Variants in NUCKS1 observed in about 807,000 individuals in gnomAD.
The protein encoded by NUCKS1 is nuclear ubiquitous casein and cyclin-dependent kinase substrate 1.
In NUCKS1, 2 loss-of-function variants were observed where a neutral mutation model predicts 33.0. That is an observed-to-expected ratio of 0.06 (90% CI 0.02 to 0.19). NUCKS1 has a LOEUF of 0.19. Among genes scored for constraint, NUCKS1 ranks in the 10% least tolerant of loss-of-function variants. The pLI is 1.00. For missense variants in NUCKS1, 201 were observed against 293.6 expected (o/e 0.68, Z 2.31); for synonymous variants, 106 against 102.8 (o/e 1.03, Z -0.19).
In NUCKS1 at chr1:205,717,633, C is replaced by T; in HGVS notation, c.*647G>A. On this transcript the variant is annotated 3_prime_UTR_variant, in exon 7 of 7. Transcript: ENST00000367142. ...AATAAGGTCAGGTAACCCCATTGCC[C>T]ACCCTCCCTACAAGGTAAAAAATGA... The T allele has an allele frequency of 2.0e-6, 2 of 985,206 alleles. No individual in the cohort carries two copies. The highest frequency in any genetic ancestry group is 3.5e-5 in the African/African-American group (2 of 57,286). The allele number at this position is 985,206 out of a possible 1,614,324, so 61.0% of individuals were successfully genotyped here. A position where few individuals can be genotyped will look rare whatever the true frequency, so the allele number is the denominator to read the frequency against.
chr1:205,719,764 G>A (rs1486133178), intron 5 of NUCKS1, 88 bp from the exon 6 acceptor site: 2 of 1,436,204 alleles, frequency 1.4e-6, no homozygotes, highest in Non-Finnish European at 1.9e-6. Context: ...ATGACTAGAG[G>A]ATGGGATTTG....
intron 1 of NUCKS1, among the ~76,000 whole-genome samples, chr1:205,748,981 G>A (rs1654401844): frequency 1.3e-5 from 2 of 152,266 alleles, no homozygotes; most frequent in South Asian, 4.2e-4. Flanking sequence ...GAATGGCATA[G>A]GACGATTCCA....
chr1:205,727,487 T>A (rs1775154), intron 3 of NUCKS1, among the ~76,000 whole-genome samples: 49,305 of 150,796 alleles, frequency 0.33, 9,289 homozygotes, highest in Non-Finnish European at 0.42. Flanking sequence ...ACTTATTTTT[T>A]GTTATCACTA....
intron 5 of NUCKS1, 188 bp from the exon 6 acceptor site, chr1:205,719,864 T>A: frequency 1.8e-6 from 1 of 562,050 alleles, no homozygotes; most frequent in Non-Finnish European, 3.0e-6. Flanking sequence ...GGATTTTGCA[T>A]GCACCTTACA....
chr1:205,735,025 T>C (rs1654003177), intron 1 of NUCKS1, among the ~76,000 whole-genome samples: 1 of 152,246 alleles, frequency 6.6e-6, no homozygotes, highest in South Asian at 2.1e-4. Flanking sequence ...AAATACATTT[T>C]TGATGAATTT....
rs1184248524 is a variant in NUCKS1, at chr1:205,715,697, G to A, written c.*2583C>T. ...AACCTAGCAGAGCTAATACAAACAA[G>A]CACCTTCAAAGTTAACGTCCCACTT... On this transcript the variant is annotated 3_prime_UTR_variant, in exon 7 of 7. Coordinates refer to ENST00000367142, the MANE Select transcript of NUCKS1 (RefSeq NM_022731.5). 1.3e-5 allele frequency: 2 copies of A among 152,176 alleles called. No homozygotes were observed. Among genetic ancestry groups the A allele is most frequent in the Non-Finnish European group, 2.9e-5 (2 of 68,042 alleles). The allele number at this position is 152,176 out of a possible 1,614,324, so 9.4% of individuals were successfully genotyped here. A position where few individuals can be genotyped will look rare whatever the true frequency, so the allele number is the denominator to read the frequency against.
chr1:205,744,308 T>G (rs761495402), intron 1 of NUCKS1, among the ~76,000 whole-genome samples: 1 of 152,224 alleles, frequency 6.6e-6, no homozygotes, highest in Non-Finnish European at 1.5e-5. Flanking sequence ...GTTACTTTTT[T>G]TATCCTAACC....
intron 1 of NUCKS1, among the ~76,000 whole-genome samples, chr1:205,746,479 ACACACACAC>A (rs1200209269): frequency 2.1e-5 from 3 of 143,848 alleles, no homozygotes; most frequent in African/African-American, 7.6e-5. Flanking sequence ...ACACACACAC[ACACACACAC>A]TAGAGAATAA....
chr1:205,736,385 G>C (rs1654035233), intron 1 of NUCKS1, among the ~76,000 whole-genome samples: 1 of 152,112 alleles, frequency 6.6e-6, no homozygotes, highest in Admixed American at 6.6e-5. Flanking sequence ...TGGGAGATAT[G>C]GTGGTGCTGA....
At chr1:205,724,356 C>T (rs934813627) in intron 3 of NUCKS1, among the ~76,000 whole-genome samples, 2 of 152,068 alleles carry the variant, frequency 1.3e-5, no homozygotes, top group Admixed American at 1.3e-4. Context: ...ATAAAGATCA[C>T]TAAATATACA....
intron 1 of NUCKS1, among the ~76,000 whole-genome samples, chr1:205,746,447 T>TCACACACACACA (rs1453790587): frequency 3.4e-5 from 3 of 88,696 alleles, no homozygotes; most frequent in African/African-American, 1.2e-4. Context: ...TCTCTCTCTC[T>TCACACACACACA]CTCTCTCACA....
intron 1 of NUCKS1, among the ~76,000 whole-genome samples, chr1:205,749,143 A>G (rs1424424188): frequency 6.6e-6 from 1 of 152,220 alleles, no homozygotes; most frequent in Non-Finnish European, 1.5e-5. Context: ...GTGGAACGAG[A>G]ACCACACGGG....
Position 205,729,640 on chromosome 1 carries a change from C to CT in NUCKS1, c.18-20dup. ...CCTATTTCTGTAGAAAGAAGAGACT[C>CT]TAATTAAAATCATAAAACTGTAGGA... On this transcript the variant is annotated intron_variant, in intron 1 of 6. Transcript: ENST00000367142. The CT allele has an allele frequency of 6.4e-7, 1 of 1,567,516 alleles. No homozygotes were observed. The highest frequency in any genetic ancestry group is 8.8e-7 in the Non-Finnish European group (1 of 1,139,154).
rs185716961 is a variant in NUCKS1, at chr1:205,741,479, G to A, written c.17+8478C>T. Among the ~76,000 whole-genome samples the A allele has an allele frequency of 1.0e-3, 152 of 152,164 alleles. 2 individuals carry two copies. Among genetic ancestry groups the A allele is most frequent in the Non-Finnish European group, 1.2e-4 (8 of 68,008 alleles). ...AACCTCTAATGTGTGAGACTGAAGG[G>A]GTCTCAGATGCGAAATTACTGAGTA... On this transcript the variant is annotated intron_variant, in intron 1 of 6. Transcript: ENST00000367142.
At chr1:205,746,804 C>G (rs943770214) in intron 1 of NUCKS1, among the ~76,000 whole-genome samples, 7 of 152,172 alleles carry the variant, frequency 4.6e-5, no homozygotes, top group African/African-American at 1.7e-4. Flanking sequence ...GTTTTCACAT[C>G]TAAATTTTCA....
chr1:205,741,673 T>C (rs1437836374), intron 1 of NUCKS1, among the ~76,000 whole-genome samples: 1 of 152,088 alleles, frequency 6.6e-6, no homozygotes, highest in Non-Finnish European at 1.5e-5. Context: ...ATTACAGAAT[T>C]TTGGAGAAGG....
chr1:205,728,365 T>C (rs1003828144), intron 2 of NUCKS1, among the ~76,000 whole-genome samples: 2 of 152,018 alleles, frequency 1.3e-5, no homozygotes, highest in Non-Finnish European at 2.9e-5. Context: ...ATGCTGGAAG[T>C]AGTCTGGAGC....
chr1:205,719,817 A>G lies in NUCKS1; in HGVS notation c.383-141T>C, dbSNP rs1199929772. On this transcript the variant is annotated intron_variant, in intron 5 of 6. Coordinates refer to ENST00000367142, the MANE Select transcript of NUCKS1 (RefSeq NM_022731.5). ...GATTCTATTTGGAGCTGTACTACCAATTTGACTGGAGTCATCACTGGCCTC... is the reference window on the plus strand; with the variant it reads ...GATTCTATTTGGAGCTGTACTACCAGTTTGACTGGAGTCATCACTGGCCTC... The G allele has an allele frequency of 3.6e-6, 3 of 828,144 alleles. No individual in the cohort carries two copies. In the African/African-American group the frequency reaches 5.2e-5, roughly 14 times the overall value. The allele number at this position is 828,144 out of a possible 1,614,324, so 51.3% of individuals were successfully genotyped here. A position where few individuals can be genotyped will look rare whatever the true frequency, so the allele number is the denominator to read the frequency against.
At chr1:205,736,513 G>C (rs1654038648) in intron 1 of NUCKS1, among the ~76,000 whole-genome samples, 1 of 151,806 alleles carries the variant, frequency 6.6e-6, no homozygotes, top group African/African-American at 2.4e-5. Context: ...TGATCTCCAA[G>C]GCAGCCTATG....
Sources: gnomAD v4.1 joint callset for allele counts (sites outside exome capture counted in the v4.1 genomes callset) on GRCh38, gnomAD v4.1.1 for gene constraint, MANE v1.5 for transcripts, NCBI Gene and HGNC (gene_info 2026-07-23, HGNC 2026-07-21) for gene names.